NEAT1: variants seen among roughly 807,000 people sequenced by gnomAD.
NEAT1 encodes MENepsilon/beta.
chr11:65,434,962 G>A (rs74760295), exon 1 of NEAT1: 2 of 152,172 alleles, frequency 1.3e-5, no homozygotes, highest in Non-Finnish European at 2.9e-5. Flanking sequence ...AAGGCCCCCA[G>A]GGTCCAAGAC....
exon 1 of NEAT1, chr11:65,425,692 C>T (rs757874123): frequency 6.6e-6 from 1 of 151,954 alleles, no homozygotes; most frequent in Non-Finnish European, 1.5e-5. Context: ...AAATCATGAG[C>T]GAAGTGAAAT....
exon 1 of NEAT1, chr11:65,433,311 A>G (rs768234338): frequency 2.2e-4 from 34 of 152,342 alleles, no homozygotes; most frequent in Non-Finnish European, 4.1e-4. Flanking sequence ...ATGCAATGGA[A>G]TGTAATGATC....
exon 1 of NEAT1, chr11:65,426,985 G>A (rs1031904880): frequency 3.3e-5 from 5 of 152,120 alleles, no homozygotes; most frequent in East Asian, 1.9e-4. Flanking sequence ...AAGTGTATGC[G>A]TAATTCTTAC....
exon 1 of NEAT1, chr11:65,431,470 A>T (rs1856613289): frequency 6.6e-6 from 1 of 152,134 alleles, no homozygotes; most frequent in Non-Finnish European, 1.5e-5. Flanking sequence ...TTTTTAATTT[A>T]TTGAGGAACC....
exon 1 of NEAT1, chr11:65,426,287 A>G (rs1856560692): frequency 6.6e-6 from 1 of 152,220 alleles, no homozygotes; most frequent in South Asian, 2.1e-4. Context: ...GTTCTTAACC[A>G]ATGACTTGGG....
exon 1 of NEAT1, chr11:65,435,835 G>C (rs763105536): frequency 3.9e-5 from 6 of 152,164 alleles, no homozygotes; most frequent in Non-Finnish European, 7.3e-5. Context: ...GGGTCCTGCA[G>C]GCCCCAGAGT....
exon 1 of NEAT1, chr11:65,423,262 A>T (rs1424641940): frequency 6.5e-6 from 1 of 152,700 alleles, no homozygotes; most frequent in East Asian, 1.9e-4. Flanking sequence ...CTAATCTTCA[A>T]CTTGTCCATG....
chr11:65,430,230 T>A (rs919602531), exon 1 of NEAT1: 1 of 152,404 alleles, frequency 6.6e-6, no homozygotes, highest in Non-Finnish European at 1.5e-5. Context: ...CTTCCCCGCC[T>A]CCCCTGGTGC....
exon 1 of NEAT1, chr11:65,441,984 G>T (rs550126535): frequency 6.6e-6 from 1 of 152,276 alleles, no homozygotes; most frequent in African/African-American, 2.4e-5. Context: ...TTGCTGGGGC[G>T]TGCAGTGTCT....
At chr11:65,425,253 T>C (rs1856549596) in exon 1 of NEAT1, 1 of 152,038 alleles carries the variant, frequency 6.6e-6, no homozygotes, top group Admixed American at 6.6e-5. Flanking sequence ...TGGGGAAGAC[T>C]GAAGAAGTGT....
At chr11:65,423,247 G>A (rs891627163) in exon 1 of NEAT1, 7 of 152,662 alleles carry the variant, frequency 4.6e-5, no homozygotes, top group Non-Finnish European at 1.0e-4. Context: ...GGAGGGCCGG[G>A]AGGGCTAATC....
exon 1 of NEAT1, chr11:65,444,369 TCATCAGGATGAGTAGAAGGCACCCAG>T: frequency 2.2e-6 from 1 of 451,804 alleles, no homozygotes; most frequent in South Asian, 1.6e-5. Context: ...CTGCTCAGAT[TCATCAGGATGAGTAGAAGGCACCCAG>T]CTCTCACCCT....
At chr11:65,432,942 ATT>A (rs1282143488) in exon 1 of NEAT1, 1 of 149,532 alleles carries the variant, frequency 6.7e-6, no homozygotes, top group Non-Finnish European at 1.5e-5. Context: ...AACACACAGT[ATT>A]TGGTTTTCCA....
exon 1 of NEAT1, chr11:65,437,014 G>C (rs1856663459): frequency 6.6e-6 from 1 of 152,030 alleles, no homozygotes; most frequent in Admixed American, 6.5e-5. Flanking sequence ...GTCAATGTGA[G>C]AAGTGGAAAA....
chr11:65,437,061 G>A (rs1253345395), exon 1 of NEAT1: 5 of 151,464 alleles, frequency 3.3e-5, no homozygotes, highest in Non-Finnish European at 7.4e-5. Context: ...TATTTCTATT[G>A]GGTTGTATAC....
chr11:65,437,158 T>G (rs1040104900), exon 1 of NEAT1: 3 of 148,448 alleles, frequency 2.0e-5, no homozygotes, highest in African/African-American at 7.4e-5. Flanking sequence ...TCTTTAAGTT[T>G]TATTGTAATA....
chr11:65,429,186 C>A (rs375113855), exon 1 of NEAT1: 14 of 152,114 alleles, frequency 9.2e-5, no homozygotes, highest in African/African-American at 2.4e-4. Context: ...TTTTTCACGT[C>A]TGTTGTTATC....
exon 1 of NEAT1, chr11:65,440,201 C>CTG (rs1856701119): frequency 6.7e-6 from 1 of 150,374 alleles, no homozygotes; most frequent in Non-Finnish European, 1.5e-5. Flanking sequence ...TTCCTTTTAT[C>CTG]ATCTGATGAT....
exon 1 of NEAT1, chr11:65,438,749 T>C (rs1856688233): frequency 6.6e-6 from 1 of 152,234 alleles, no homozygotes; most frequent in Admixed American, 6.5e-5. Flanking sequence ...GGCTGAATAA[T>C]ATTCCACTGT....
Sources: allele counts gnomAD v4.1 joint callset, GRCh38; gene constraint gnomAD v4.1.1; transcripts MANE v1.5; gene names NCBI Gene and HGNC (gene_info 2026-07-23, HGNC 2026-07-21).